The following KIAA1549 variants were observed in gnomAD, a reference collection of about 807,000 sequenced individuals.
KIAA1549 encodes UPF0606 protein KIAA1549.
Under a neutral mutation model 156.4 loss-of-function variants are expected in KIAA1549, and 70 were observed. That is an observed-to-expected ratio of 0.45 (90% CI 0.37 to 0.55). KIAA1549 has a LOEUF of 0.55. Ranked by LOEUF, KIAA1549 falls within the 20% of genes least tolerant of loss-of-function variation. KIAA1549 has a pLI of 0.00. For missense variants in KIAA1549, 2,428 were observed against 2,540.9 expected (o/e 0.96, Z 0.96); for synonymous variants, 1,103 against 1,066.4 (o/e 1.03, Z -0.67).
At chr7:138,912,333 T>C in intron 3 of KIAA1549, 39 bp downstream of exon 3, 1 of 1,499,202 alleles carries the variant, frequency 6.7e-7, no homozygotes, top group East Asian at 2.3e-5. Context: ...TCAGCCCCAG[T>C]CTCACCAGAC....
intron 1 of KIAA1549, among the ~76,000 whole-genome samples, chr7:138,939,817 C>T (rs2130520249): frequency 6.6e-6 from 1 of 152,208 alleles, no homozygotes; most frequent in South Asian, 2.1e-4. Context: ...TCCATTATTT[C>T]ACTAAGGAGG....
At chr7:138,879,014 G>A (rs1811168620) in intron 12 of KIAA1549, among the ~76,000 whole-genome samples, 1 of 152,180 alleles carries the variant, frequency 6.6e-6, no homozygotes, top group Admixed American at 6.5e-5. Context: ...TAGAACAGGA[G>A]TGAAGTTCAT....
intron 12 of KIAA1549, among the ~76,000 whole-genome samples, chr7:138,873,936 ATATATCACACATATATATTATATAAT>A (rs34150428): frequency 0.024 from 3,579 of 149,292 alleles, 128 homozygotes; most frequent in African/African-American, 0.082. Context: ...TACATATAAT[ATATATCACACATATATATTATATAAT>A]TATATCACAC....
chr7:138,965,337 C>T (rs889680842), intron 1 of KIAA1549, among the ~76,000 whole-genome samples: 3 of 152,186 alleles, frequency 2.0e-5, no homozygotes, highest in East Asian at 3.9e-4. Flanking sequence ...ACTACCAGTG[C>T]GTGCCACGAT....
At chr7:138,908,614 C>T (rs1256239295) in intron 5 of KIAA1549, among the ~76,000 whole-genome samples, 1 of 152,184 alleles carries the variant, frequency 6.6e-6, no homozygotes, top group African/African-American at 2.4e-5. Context: ...AAAACATCAG[C>T]AGTTTCCATA....
chr7:138,871,055 G>C (rs746834759), intron 13 of KIAA1549, 102 bp downstream of exon 13: 2 of 1,084,846 alleles, frequency 1.8e-6, no homozygotes, highest in Middle Eastern at 2.7e-4. Context: ...GACCTCAGGC[G>C]ATCTGCCTGC....
intron 1 of KIAA1549, among the ~76,000 whole-genome samples, chr7:138,977,279 A>C (rs1814407506): frequency 6.6e-6 from 1 of 152,240 alleles, no homozygotes; most frequent in African/African-American, 2.4e-5. Context: ...TCTATGCCAC[A>C]ACAGGTAAAT....
At chr7:138,966,459 A>G (rs1048225459) in intron 1 of KIAA1549, among the ~76,000 whole-genome samples, 2 of 152,120 alleles carry the variant, frequency 1.3e-5, no homozygotes, top group Non-Finnish European at 2.9e-5. Context: ...AAGGTTCCAC[A>G]ACAAGCCAAC....
intron 16 of KIAA1549, among the ~76,000 whole-genome samples, chr7:138,858,644 T>C (rs1810462955): frequency 6.6e-6 from 1 of 152,126 alleles, no homozygotes; most frequent in Non-Finnish European, 1.5e-5. Flanking sequence ...CTCTAACTGA[T>C]GTTGCATGAA....
intron 15 of KIAA1549, 36 bp from the exon 16 acceptor site, chr7:138,861,492 G>T: frequency 1.3e-6 from 2 of 1,532,524 alleles, no homozygotes; most frequent in South Asian, 1.2e-5. Flanking sequence ...AATCACACAT[G>T]AGTTTTTGTG....
chr7:138,840,039 C>T, intron 19 of KIAA1549, 94 bp downstream of exon 19: 2 of 1,139,508 alleles, frequency 1.8e-6, no homozygotes, highest in Non-Finnish European at 2.4e-6. Flanking sequence ...ATCCGCCCGC[C>T]TCGGCCTCCC....
intron 16 of KIAA1549, among the ~76,000 whole-genome samples, chr7:138,853,625 G>T (rs1330276281): frequency 6.6e-6 from 1 of 152,106 alleles, no homozygotes; most frequent in African/African-American, 2.4e-5. Flanking sequence ...ATGAAACCGT[G>T]GTCAGATTAC....
intron 11 of KIAA1549, among the ~76,000 whole-genome samples, chr7:138,880,002 G>A (rs910328350): frequency 6.6e-6 from 1 of 152,204 alleles, no homozygotes; most frequent in Non-Finnish European, 1.5e-5. Flanking sequence ...GCATGAGTTG[G>A]ATCAAACAGG....
At chr7:138,901,675 A>G (rs1811848262) in intron 8 of KIAA1549, among the ~76,000 whole-genome samples, 1 of 152,152 alleles carries the variant, frequency 6.6e-6, no homozygotes, top group South Asian at 2.1e-4. Context: ...AAATGACTGC[A>G]TAAAATTCCA....
Position 138,914,816 on chromosome 7 carries a change from T to C in KIAA1549, c.2878+1932A>G, listed in dbSNP as rs187439863. ...ACTCCAAAGAGCTGTTAAAAATACATGGATACCTAATACAGGCACCAAATG... is the reference window on the plus strand; with the variant it reads ...ACTCCAAAGAGCTGTTAAAAATACACGGATACCTAATACAGGCACCAAATG... On this transcript the variant is annotated intron_variant, in intron 2 of 19. Coordinates refer to ENST00000422774, the MANE Select transcript of KIAA1549 (RefSeq NM_001164665.2). Among the ~76,000 whole-genome samples the C allele has an allele frequency of 7.0e-3, 1,062 of 152,286 alleles. 3 individuals carry two copies. Among genetic ancestry groups the C allele is most frequent in the South Asian group, 0.012 (57 of 4,824 alleles).
intron 1 of KIAA1549, among the ~76,000 whole-genome samples, chr7:138,964,396 T>C (rs1319293983): frequency 1.3e-5 from 2 of 152,206 alleles, no homozygotes; most frequent in African/African-American, 4.8e-5. Context: ...TGTGAGCAAG[T>C]CAATGAACTT....
chr7:138,973,910 C>A (rs948348762), intron 1 of KIAA1549, among the ~76,000 whole-genome samples: 1 of 152,222 alleles, frequency 6.6e-6, no homozygotes, highest in Non-Finnish European at 1.5e-5. Context: ...TTCCAAAGTG[C>A]TAGGAACACA....
intron 1 of KIAA1549, among the ~76,000 whole-genome samples, chr7:138,943,674 C>G (rs1478760710): frequency 6.6e-6 from 1 of 151,974 alleles, no homozygotes; most frequent in African/African-American, 2.4e-5. Flanking sequence ...ATGGTGAAAC[C>G]CCGTCTCTAC....
chr7:138,941,076 T>TA (rs572420621), intron 1 of KIAA1549, among the ~76,000 whole-genome samples: 20 of 151,836 alleles, frequency 1.3e-4, no homozygotes, highest in Admixed American at 1.1e-3. Context: ...AAAATTTTAT[T>TA]AAAAAAAATT....
Sources: gnomAD v4.1 joint callset for allele counts (sites outside exome capture counted in the v4.1 genomes callset) on GRCh38, gnomAD v4.1.1 for gene constraint, MANE v1.5 for transcripts, NCBI Gene and HGNC (gene_info 2026-07-23, HGNC 2026-07-21) for gene names.